Variants in RNF111 observed in about 807,000 individuals in gnomAD.
RNF111 encodes ring finger protein 111, also known as E3 ubiquitin-protein ligase Arkadia.
Under a neutral mutation model 95.1 loss-of-function variants are expected in RNF111, and 17 were observed. The observed-to-expected ratio is 0.18, with a 90% confidence interval of 0.12 to 0.27. The LOEUF is 0.27. Ranked by LOEUF, RNF111 falls within the 10% of genes least tolerant of loss-of-function variation. The probability of loss-of-function intolerance (pLI) is 1.00; values close to 1 mark genes in which losing one functional copy is unlikely to be tolerated. For missense variants in RNF111, 1,189 were observed against 1,210.4 expected (o/e 0.98, Z 0.26); for synonymous variants, 440 against 414.8 (o/e 1.06, Z -0.74).
rs71425836 is a variant in RNF111, at chr15:59,012,003, C to CTTTTTTTTTTTTTTTTTTTTT, written c.-19-18792_-19-18772dup. 1.5e-4 allele frequency among the ~76,000 whole-genome samples: 6 copies of CTTTTTTTTTTTTTTTTTTTTT among 40,450 alleles called. 1 individual carries two copies. Among genetic ancestry groups the CTTTTTTTTTTTTTTTTTTTTT allele is most frequent in the African/African-American group, 4.1e-4 (5 of 12,118 alleles). 26.5% of individuals were successfully genotyped at this position (40,450 alleles called of 152,430 possible). On this transcript the variant is annotated intron_variant, in intron 1 of 13. Coordinates refer to ENST00000348370, the MANE Select transcript of RNF111 (RefSeq NM_017610.8). ...TTAGTGTTCTTTTTTGTTTGTTTGC[C>CTTTTTTTTTTTTTTTTTTTTT]TTTTTTTTTTTTTTTTTTTTTTTTT...
intron 2 of RNF111, among the ~76,000 whole-genome samples, chr15:59,046,546 C>CT (rs2041718551): frequency 6.6e-6 from 1 of 152,260 alleles, no homozygotes; most frequent in African/African-American, 2.4e-5. Context: ...TAAATTTAGA[C>CT]CTTTTACCTG....
In RNF111 at chr15:59,066,928, C is replaced by T. The variant is rs1212343247; in HGVS notation, c.1531C>T (p.His511Tyr). The T allele has an allele frequency of 6.2e-7, 1 of 1,614,082 alleles. No individual in the cohort carries two copies. Among genetic ancestry groups the T allele is most frequent in the Non-Finnish European group, 8.5e-7 (1 of 1,180,022 alleles). Residue 511 changes from histidine to tyrosine, a missense_variant, in exon 6 of 14, where the codon CAT (histidine) becomes TAT (tyrosine). His to Tyr is a moderately conservative substitution (Grantham distance 83). This residue lies in a region of RNF111 where 1,024 missense variants were observed against 925.9 expected (regional missense o/e 1.11). Coordinates refer to ENST00000348370, the MANE Select transcript of RNF111 (RefSeq NM_017610.8). ...HTSCFQQHGH[H>Y]FQHHHHHHHT... ...AAGTTGCTTTCAGCAGCATGGTCAC[C>T]ATTTTCAACATCATCACCACCACCA...
chr15:58,994,102 A>G (rs12899165), intron 1 of RNF111, among the ~76,000 whole-genome samples: 29,552 of 138,080 alleles, frequency 0.21, 3,007 homozygotes, highest in East Asian at 0.28. Context: ...CAGTGGCCCC[A>G]TCTTGGCTCA....
rs533938029 is a variant in RNF111 at position 59,084,000 on chromosome 15, A to C, written c.2298-129A>C. 410 of 662,934 alleles carry C rather than the reference A, an allele frequency of 6.2e-4. 2 individuals are homozygous for C. The highest frequency in any genetic ancestry group is 2.8e-4 in the Non-Finnish European group (132 of 468,110). The allele number at this position is 662,934 out of a possible 1,614,324, so 41.1% of individuals were successfully genotyped here. ...TTTATATGTTTTTATAATTTATTATAAAATTTATTTTATGACTAATCTATA... is the reference window on the plus strand; with the variant it reads ...TTTATATGTTTTTATAATTTATTATCAAATTTATTTTATGACTAATCTATA... On this transcript the variant is annotated intron_variant, in intron 8 of 13. Coordinates refer to ENST00000348370, the MANE Select transcript of RNF111 (RefSeq NM_017610.8).
chr15:59,071,940 A>G (rs1390695283), intron 6 of RNF111, among the ~76,000 whole-genome samples: 4 of 152,234 alleles, frequency 2.6e-5, no homozygotes, highest in African/African-American at 9.6e-5. Flanking sequence ...TTTAATATTT[A>G]CACTGTACTA....
chr15:59,064,154 C>A (rs973587774), intron 5 of RNF111, among the ~76,000 whole-genome samples: 9 of 152,108 alleles, frequency 5.9e-5, no homozygotes, highest in Admixed American at 5.9e-4. Flanking sequence ...AACACTTGAC[C>A]AGGTTATTCA....
At chr15:59,094,721 T>C (rs1391743009) in intron 13 of RNF111, 62 bp from the exon 14 acceptor site, 2 of 893,662 alleles carry the variant, frequency 2.2e-6, no homozygotes, top group African/African-American at 1.6e-5. Flanking sequence ...ATATATAATT[T>C]GTTAACTACG....
At chr15:59,093,553 A>G in intron 13 of RNF111, 1 of 323,322 alleles carries the variant, frequency 3.1e-6, no homozygotes, top group Non-Finnish European at 6.1e-6. Context: ...AATTTCCTCT[A>G]AACTAGTAGG....
Position 59,022,145 on chromosome 15 carries a change from C to T in RNF111, c.-19-8659C>T, listed in dbSNP as rs953077809. ...AAAGTGCTGGGATTACAAGCATGAGCCACCACGCCTGGCCAAGCTTCCTAT... is the reference window on the plus strand; with the variant it reads ...AAAGTGCTGGGATTACAAGCATGAGTCACCACGCCTGGCCAAGCTTCCTAT... On this transcript the variant is annotated intron_variant, in intron 1 of 13. Coordinates refer to ENST00000348370, the MANE Select transcript of RNF111 (RefSeq NM_017610.8). Among the ~76,000 whole-genome samples, 4 of 152,266 alleles carry T rather than the reference C, an allele frequency of 2.6e-5. No homozygotes were observed. In the South Asian group the frequency reaches 8.3e-4, roughly 32 times the overall value.
chr15:59,081,160 C>T lies in RNF111; in HGVS notation c.2173C>T (p.Pro725Ser). 1 of 1,614,218 alleles carries T rather than the reference C, an allele frequency of 6.2e-7. No homozygotes were observed. Among genetic ancestry groups the T allele is most frequent in the Non-Finnish European group, 8.5e-7 (1 of 1,180,038 alleles). ...STAAPIPQHL[P>S]PTHQPISHHI... is the part of the protein sequence containing the mutation. ...AGCTGCACCAATCCCTCAGCATCTT[C>T]CTCCTACACACCAGCCAATTTCGCA... Residue 725 changes from proline to serine, a missense_variant, in exon 8 of 14, where the codon CCT becomes TCT. Physicochemically the swap from Pro to Ser is moderately conservative, Grantham distance 74. Transcript: ENST00000348370.
intron 1 of RNF111, among the ~76,000 whole-genome samples, chr15:58,990,633 G>A (rs548671232): frequency 2.0e-5 from 3 of 152,304 alleles, no homozygotes; most frequent in South Asian, 4.2e-4. Context: ...CAGCTTGGGC[G>A]ACAGAGCGAG....
At chr15:59,077,435 C>T (rs1476032817) in intron 7 of RNF111, among the ~76,000 whole-genome samples, 1 of 152,146 alleles carries the variant, frequency 6.6e-6, no homozygotes, top group African/African-American at 2.4e-5. Flanking sequence ...CTTAATATAT[C>T]AGAGGTAGTA....
chr15:59,041,872 A>AT (rs1220502634), intron 2 of RNF111, among the ~76,000 whole-genome samples: 2 of 141,240 alleles, frequency 1.4e-5, no homozygotes, highest in Non-Finnish European at 3.1e-5. Flanking sequence ...TATTTCTTTT[A>AT]TTTTTTTTAA....
chr15:59,026,976 A>G (rs1247658402), intron 1 of RNF111, among the ~76,000 whole-genome samples: 1 of 152,224 alleles, frequency 6.6e-6, no homozygotes, highest in Non-Finnish European at 1.5e-5. Context: ...AAATCAGAGC[A>G]GATTTAACCA....
At chr15:59,055,896 G>A (rs781731247) in intron 4 of RNF111, 51 bp downstream of exon 4, 2 of 1,467,202 alleles carry the variant, frequency 1.4e-6, no homozygotes, top group South Asian at 2.6e-5. Flanking sequence ...TTGATAAAAG[G>A]AAATCTCTTA....
At chr15:59,004,433 A>G (rs1291907737) in intron 1 of RNF111, among the ~76,000 whole-genome samples, 1 of 152,230 alleles carries the variant, frequency 6.6e-6, no homozygotes, top group African/African-American at 2.4e-5. Context: ...CTAGAATATG[A>G]AATTTGTTAG....
chr15:58,992,633 T>C (rs2038869234), intron 1 of RNF111, among the ~76,000 whole-genome samples: 1 of 151,040 alleles, frequency 6.6e-6, no homozygotes, highest in East Asian at 2.0e-4. Context: ...GGCTGGGCAA[T>C]GTGACGAAAT....
chr15:58,991,062 G>A (rs1163581446), intron 1 of RNF111, among the ~76,000 whole-genome samples: 2 of 152,036 alleles, frequency 1.3e-5, no homozygotes, highest in East Asian at 1.9e-4. Flanking sequence ...TTGGGAAGCC[G>A]AGGCGGGTAG....
At chr15:59,010,716 A>C (rs2039760728) in intron 1 of RNF111, among the ~76,000 whole-genome samples, 1 of 152,082 alleles carries the variant, frequency 6.6e-6, no homozygotes, top group Non-Finnish European at 1.5e-5. Flanking sequence ...CATCTGTTTT[A>C]ATCTTTGAAG....
Sources: allele counts gnomAD v4.1 joint callset (sites outside exome capture counted in the v4.1 genomes callset), GRCh38; gene constraint gnomAD v4.1.1; regional missense constraint gnomAD v4.1.1; transcripts MANE v1.5; gene names NCBI Gene and HGNC (gene_info 2026-07-23, HGNC 2026-07-21).